SCAPER: variants seen among roughly 807,000 people sequenced by gnomAD.
SCAPER encodes the protein S phase cyclin A-associated protein in the endoplasmic reticulum.
Under a neutral mutation model 182.2 loss-of-function variants are expected in SCAPER, and 98 were observed. The observed-to-expected ratio is 0.54, with a 90% CI of 0.46 to 0.64. The LOEUF is 0.64. Among genes scored for constraint, SCAPER ranks in the 30% least tolerant of loss-of-function variants. The pLI is 0.00. For synonymous variants in SCAPER, 605 were observed against 564.6 expected (o/e 1.07, Z -1.01); for missense variants, 1,432 against 1,690.0 (o/e 0.85, Z 2.68).
chr15:76,835,130 C>T (rs1422654791), intron 5 of SCAPER, among the ~76,000 whole-genome samples: 1 of 151,946 alleles, frequency 6.6e-6, no homozygotes, highest in African/African-American at 2.4e-5. Context: ...TTTCTATACA[C>T]CAATAACATC....
At chr15:76,709,818 A>T (rs1277906630) in intron 17 of SCAPER, among the ~76,000 whole-genome samples, 1 of 152,230 alleles carries the variant, frequency 6.6e-6, no homozygotes, top group Non-Finnish European at 1.5e-5. Flanking sequence ...ACTATTGTAT[A>T]TCATGACAAA....
rs76466996 is a variant in SCAPER, at chr15:76,454,967, G to A, written c.3078+16245C>T. Among the ~76,000 whole-genome samples the A allele has an allele frequency of 9.1e-3, 1,380 of 151,988 alleles. 23 individuals carry two copies. Among genetic ancestry groups the A allele is most frequent in the African/African-American group, 0.032 (1,340 of 41,460 alleles). Reference sequence around the variant, plus strand: ...TATATTTTTCTAGGAATTTAAATTCGTTAAAGCTTTCAAATGCACTGGTAT... The same window carrying A: ...TATATTTTTCTAGGAATTTAAATTCATTAAAGCTTTCAAATGCACTGGTAT... On this transcript the variant is annotated intron_variant, in intron 25 of 31. Transcript: ENST00000563290.
intron 22 of SCAPER, among the ~76,000 whole-genome samples, chr15:76,610,321 G>A (rs1046929716): frequency 1.3e-4 from 20 of 152,022 alleles, no homozygotes; most frequent in Non-Finnish European, 1.5e-4. Flanking sequence ...TATCACACAA[G>A]TCCACAATCA....
chr15:76,361,223 A>C (rs771760500), intron 29 of SCAPER, among the ~76,000 whole-genome samples: 82 of 152,180 alleles, frequency 5.4e-4, no homozygotes, highest in Non-Finnish European at 1.8e-4. Flanking sequence ...AAACAGCCTG[A>C]TTCCCTCACC....
At chr15:76,358,278 G>A (rs926276941) in intron 29 of SCAPER, among the ~76,000 whole-genome samples, 1 of 152,212 alleles carries the variant, frequency 6.6e-6, no homozygotes, top group Non-Finnish European at 1.5e-5. Flanking sequence ...AGACAAGACC[G>A]TAGGTGCATA....
intron 26 of SCAPER, among the ~76,000 whole-genome samples, chr15:76,428,952 C>T (rs1293807267): frequency 1.4e-5 from 2 of 144,796 alleles, no homozygotes; most frequent in Non-Finnish European, 3.0e-5. Context: ...AGCAGCGTCC[C>T]CATCCAAATC....
intron 17 of SCAPER, among the ~76,000 whole-genome samples, chr15:76,718,062 A>T (rs535966956): frequency 5.9e-5 from 9 of 152,300 alleles, no homozygotes; most frequent in Non-Finnish European, 1.0e-4. Context: ...AGAAGATTCA[A>T]ATTGTACCTA....
chr15:76,399,159 A>G (rs1286576577), intron 27 of SCAPER, among the ~76,000 whole-genome samples: 1 of 152,050 alleles, frequency 6.6e-6, no homozygotes. Context: ...TTTTTTTGAG[A>G]TGGAGTCTCA....
chr15:76,516,303 T>C (rs1186338481), intron 23 of SCAPER, among the ~76,000 whole-genome samples: 1 of 152,058 alleles, frequency 6.6e-6, no homozygotes, highest in Non-Finnish European at 1.5e-5. Context: ...GGTAGTTTGC[T>C]GCACCCATCA....
intron 15 of SCAPER, among the ~76,000 whole-genome samples, chr15:76,740,487 A>C (rs2061481599): frequency 6.6e-6 from 1 of 152,218 alleles, no homozygotes; most frequent in South Asian, 2.1e-4. Flanking sequence ...CCATGCAGTA[A>C]ATGTAAGTCA....
chr15:76,739,060 C>A (rs1175445276), intron 15 of SCAPER, among the ~76,000 whole-genome samples: 2 of 152,100 alleles, frequency 1.3e-5, no homozygotes, highest in East Asian at 3.9e-4. Context: ...AACTATTGCA[C>A]AGTATCTACA....
At chr15:76,449,832 C>T (rs1034369719) in intron 25 of SCAPER, among the ~76,000 whole-genome samples, 1 of 152,228 alleles carries the variant, frequency 6.6e-6, no homozygotes, top group Non-Finnish European at 1.5e-5. Flanking sequence ...TCTCCCTCCT[C>T]TGACCTCTTG....
At chr15:76,472,258 A>G (rs2143002795) in intron 24 of SCAPER, 1 of 570,802 alleles carries the variant, frequency 1.8e-6, no homozygotes, top group South Asian at 1.4e-5. Context: ...GTACCCAAAA[A>G]GAAAAAGGAA....
intron 8 of SCAPER, among the ~76,000 whole-genome samples, chr15:76,785,535 C>A (rs2064519365): frequency 6.6e-6 from 1 of 152,054 alleles, no homozygotes; most frequent in Non-Finnish European, 1.5e-5. Flanking sequence ...GGGTATATAC[C>A]CAAAGGATTA....
chr15:76,754,449 A>T (rs767494314), intron 14 of SCAPER, among the ~76,000 whole-genome samples: 11 of 152,092 alleles, frequency 7.2e-5, no homozygotes, highest in Admixed American at 3.3e-4. Flanking sequence ...AACAAATCAC[A>T]TTATTTGCAT....
At chr15:76,358,518 G>A (rs2041167302) in intron 29 of SCAPER, among the ~76,000 whole-genome samples, 1 of 152,192 alleles carries the variant, frequency 6.6e-6, no homozygotes, top group African/African-American at 2.4e-5. Context: ...GGCTGGTGAG[G>A]GCCTTCCTTG....
intron 17 of SCAPER, among the ~76,000 whole-genome samples, chr15:76,724,212 T>C (rs940510043): frequency 2.1e-4 from 32 of 149,926 alleles, no homozygotes; most frequent in African/African-American, 7.3e-4. Flanking sequence ...TATGAAATAC[T>C]GGGTTGAAAA....
chr15:76,770,050 T>C (rs1323697442), intron 10 of SCAPER, among the ~76,000 whole-genome samples: 1 of 152,138 alleles, frequency 6.6e-6, no homozygotes, highest in African/African-American at 2.4e-5. Context: ...TCATGTCCTT[T>C]GCAGGGACAT....
chr15:76,485,864 C>T (rs2051585471), intron 24 of SCAPER, among the ~76,000 whole-genome samples: 1 of 152,170 alleles, frequency 6.6e-6, no homozygotes, highest in South Asian at 2.1e-4. Flanking sequence ...CCCTTCCTTA[C>T]ACCACATGCA....
Sources: allele counts gnomAD v4.1 joint callset (sites outside exome capture counted in the v4.1 genomes callset), GRCh38; gene constraint gnomAD v4.1.1; transcripts MANE v1.5; gene names NCBI Gene and HGNC (gene_info 2026-07-23, HGNC 2026-07-21).